Variants in EGFL6 observed in about 807,000 individuals in gnomAD.
The protein encoded by EGFL6 is EGF like domain multiple 6.
Under a neutral mutation model 43.1 loss-of-function variants are expected in EGFL6, and 42 were observed. The ratio of observed to expected loss-of-function variants is 0.98; its 90% CI spans 0.76 to 1.26. The LOEUF (loss-of-function observed/expected upper bound fraction) is 1.26. Ranked by LOEUF, EGFL6 falls within the 50% of genes most tolerant of loss-of-function variation. The pLI is 0.00. For missense variants in EGFL6, 429 were observed against 427.8 expected (o/e 1.00, Z -0.02); for synonymous variants, 164 against 163.2 (o/e 1.01, Z -0.04).
chrX:13,597,701 A>T (rs766872804), intron 3 of EGFL6, among the ~76,000 whole-genome samples: 1 of 111,174 alleles, frequency 9.0e-6, no homozygotes, highest in African/African-American at 3.3e-5. Flanking sequence ...GGAGAATCAC[A>T]TGAACCTGGG....
intron 11 of EGFL6, 41 bp downstream of exon 11, chrX:13,627,317 T>C: frequency 8.5e-7 from 1 of 1,179,453 alleles, no homozygotes; most frequent in Non-Finnish European, 1.1e-6. Flanking sequence ...ATTTGCATTC[T>C]TTTGCAATGA....
intron 7 of EGFL6, among the ~76,000 whole-genome samples, chrX:13,609,939 G>A (rs941942392): frequency 3.6e-5 from 4 of 110,437 alleles, no homozygotes; most frequent in African/African-American, 9.9e-5. Context: ...CCTAACTTAC[G>A]TCACATTCCA....
At chrX:13,581,565 AAAG>A (rs1191222106) in intron 1 of EGFL6, among the ~76,000 whole-genome samples, 1 of 112,525 alleles carries the variant, frequency 8.9e-6, no homozygotes, top group Non-Finnish European at 1.9e-5. Flanking sequence ...AACATCGGCA[AAAG>A]AAGTTTAATT....
intron 1 of EGFL6, among the ~76,000 whole-genome samples, chrX:13,585,709 TTTC>T (rs1370209087): frequency 1.8e-5 from 2 of 109,716 alleles, no homozygotes; most frequent in African/African-American, 6.6e-5. Context: ...GAATCCCACA[TTTC>T]TTATAAAAAT....
At chrX:13,600,799 G>GA (rs199934545) in intron 4 of EGFL6, among the ~76,000 whole-genome samples, 40 of 96,768 alleles carry the variant, frequency 4.1e-4, no homozygotes, top group Admixed American at 7.8e-4. Flanking sequence ...ATCTCAGAAA[G>GA]AAAAAAAAAA....
chrX:13,571,622 C>T (rs1436993020), intron 1 of EGFL6, among the ~76,000 whole-genome samples: 3 of 111,742 alleles, frequency 2.7e-5, no homozygotes, highest in African/African-American at 9.8e-5. Context: ...AAATTAAAAG[C>T]CAAAAGCCCC....
chrX:13,626,965 C>T, intron 10 of EGFL6, 46 bp from the exon 11 acceptor site: 1 of 1,181,858 alleles, frequency 8.5e-7, no homozygotes, highest in Non-Finnish European at 1.1e-6. Flanking sequence ...AGCCAAACTC[C>T]TTACAATTGC....
intron 3 of EGFL6, among the ~76,000 whole-genome samples, chrX:13,597,509 C>T (rs928604035): frequency 3.6e-5 from 4 of 111,995 alleles, no homozygotes; most frequent in African/African-American, 9.7e-5. Context: ...TCAGGGTGGG[C>T]ACAGTGGCTC....
chrX:13,576,141 G>A (rs1436843238), intron 1 of EGFL6, among the ~76,000 whole-genome samples: 7 of 112,272 alleles, frequency 6.2e-5, no homozygotes, highest in South Asian at 3.7e-4. Context: ...TTGGCTCACC[G>A]TTCTGCAGGC....
At chrX:13,609,483 G>A (rs991390971) in intron 7 of EGFL6, among the ~76,000 whole-genome samples, 17 of 111,559 alleles carry the variant, frequency 1.5e-4, no homozygotes, top group African/African-American at 4.2e-4. Flanking sequence ...TGGGCGTGGC[G>A]GCTCACACCT....
chrX:13,608,859 C>T (rs753085533), intron 7 of EGFL6, among the ~76,000 whole-genome samples: 3 of 112,116 alleles, frequency 2.7e-5, no homozygotes, highest in Middle Eastern at 4.6e-3. Flanking sequence ...CAAGTGAATC[C>T]GGACGTTTTC....
chrX:13,591,776 G>T (rs1431628481), intron 2 of EGFL6, among the ~76,000 whole-genome samples: 1 of 110,770 alleles, frequency 9.0e-6, no homozygotes, highest in Non-Finnish European at 1.9e-5. Flanking sequence ...ATGTATCCTG[G>T]AGCCTTCTAG....
chrX:13,623,433 G>A (rs1206506023), intron 9 of EGFL6, among the ~76,000 whole-genome samples: 1 of 80,799 alleles, frequency 1.2e-5, no homozygotes, highest in African/African-American at 5.0e-5. Context: ...AGGCTGGAGT[G>A]CAATGATGTG....
chrX:13,632,965 T>A lies in EGFL6; in HGVS notation c.1552-20T>A, dbSNP rs1195681218. Reference sequence around the variant, plus strand: ...TTTGAACAGTTTGGAGTAATTTTTTTATTCTCTCTCCATTATTAGATCATT... The same window carrying A: ...TTTGAACAGTTTGGAGTAATTTTTTAATTCTCTCTCCATTATTAGATCATT... On this transcript the variant is annotated intron_variant, in intron 11 of 11. Transcript: ENST00000361306. The A allele has an allele frequency of 2.5e-6, 3 of 1,192,054 alleles. No individual in the cohort carries two copies. The highest frequency in any genetic ancestry group is 3.4e-6 in the Non-Finnish European group (3 of 879,773).
chrX:13,575,111 AAAACAAACAAACAAAC>A (rs77669729), intron 1 of EGFL6: 1,344 of 110,346 alleles, frequency 0.012, 18 homozygotes, highest in African/African-American at 0.046. Context: ...AAGCTTATTT[AAAACAAACAAACAAAC>A]AAACAAACAA....
chrX:13,629,805 T>G (rs776648591), intron 11 of EGFL6, among the ~76,000 whole-genome samples: 38 of 111,824 alleles, frequency 3.4e-4, no homozygotes, highest in African/African-American at 1.2e-3. Context: ...AGGGTTGGGA[T>G]AGGGGCCCCC....
intron 3 of EGFL6, among the ~76,000 whole-genome samples, chrX:13,597,016 C>G (rs1235346538): frequency 8.9e-6 from 1 of 112,117 alleles, no homozygotes; most frequent in Non-Finnish European, 1.9e-5. Flanking sequence ...TTGACAATGA[C>G]TGGGGACAAT....
At chrX:13,607,021 G>A (rs955917756) in intron 6 of EGFL6, among the ~76,000 whole-genome samples, 2 of 112,035 alleles carry the variant, frequency 1.8e-5, no homozygotes, top group African/African-American at 6.5e-5. Context: ...CCCTTTCATA[G>A]TTCAAGCTCC....
chrX:13,618,009 T>C lies in EGFL6; in HGVS notation c.1058T>C (p.Leu353Pro), dbSNP rs1375148586. The change falls in exon 8 of 12, where the codon CTG (leucine) becomes CCG (proline). Residue 353 changes from leucine (L) to proline (P), a missense_variant. Leu to Pro is a moderately conservative substitution (Grantham distance 98, BLOSUM62 -3). Transcript: ENST00000361306. Reference protein sequence around the residue: ...LEDEKREEKALKNDIEERSLR... With the variant: ...LEDEKREEKAPKNDIEERSLR... ...GATGAGAAAAGAGAAGAGAAAGCCC[T>C]GAAGAATGACATAGAGGAGCGAAGC... 6.6e-6 allele frequency: 8 copies of C among 1,210,610 alleles called. No homozygotes were observed. The East Asian group carries it at 1.8e-4, about 27-fold the overall frequency.
Sources: allele counts gnomAD v4.1 joint callset (sites outside exome capture counted in the v4.1 genomes callset), GRCh38; gene constraint gnomAD v4.1.1; transcripts MANE v1.5; gene names NCBI Gene and HGNC (gene_info 2026-07-23, HGNC 2026-07-21).